Variants in CCDC40 observed in about 807,000 individuals in gnomAD.
CCDC40 encodes the protein coiled-coil domain-containing protein 40.
A neutral mutation model predicts 124.5 loss-of-function variants in CCDC40; 104 were observed. The ratio of observed to expected loss-of-function variants is 0.84; its 90% CI spans 0.71 to 0.98. The LOEUF (loss-of-function observed/expected upper bound fraction) is 0.98. Among genes scored for constraint, CCDC40 ranks in the 50% least tolerant of loss-of-function variants. The pLI is 0.00. For missense variants in CCDC40, 1,463 were observed against 1,503.9 expected (o/e 0.97, Z 0.45); for synonymous variants, 580 against 602.9 (o/e 0.96, Z 0.56).
chr17:80,055,018 T>TA lies in CCDC40; in HGVS notation c.1160-3466dup, dbSNP rs370796612. On this transcript the variant is annotated intron_variant, in intron 7 of 19. Coordinates refer to ENST00000397545, the MANE Select transcript of CCDC40 (RefSeq NM_017950.4). ...AATCAAATAAAACAAAATACAAGGA[T>TA]AAAAAAAAAAGGCTTCCTGGGTGGG... Among the ~76,000 whole-genome samples, 82 of 143,022 alleles carry TA rather than the reference T, an allele frequency of 5.7e-4. No individual in the cohort carries two copies. In the South Asian group the frequency reaches 9.8e-3, roughly 17 times the overall value. 93.8% of individuals were successfully genotyped at this position (143,022 alleles called of 152,430 possible). A position where few individuals can be genotyped will look rare whatever the true frequency, so the allele number is the denominator to read the frequency against.
intron 17 of CCDC40, chr17:80,090,244 CGAA>C: frequency 1.2e-6 from 1 of 865,100 alleles, no homozygotes; most frequent in Non-Finnish European, 1.7e-6. Context: ...GGCACGTGCA[CGAA>C]CAACACGGGA....
At chr17:80,054,446 C>G (rs898728603) in intron 7 of CCDC40, among the ~76,000 whole-genome samples, 1 of 152,066 alleles carries the variant, frequency 6.6e-6, no homozygotes, top group African/African-American at 2.4e-5. Flanking sequence ...ATCAAAGCTC[C>G]AGGGCATGGA....
chr17:80,097,161 T>C, intron 18 of CCDC40, 84 bp from the exon 19 acceptor site: 2 of 1,440,310 alleles, frequency 1.4e-6, no homozygotes, highest in South Asian at 1.1e-5. Flanking sequence ...GGAAGGTGCC[T>C]GGCAGGTCCT....
chr17:80,062,771 TG>T (rs1397230866), intron 9 of CCDC40, among the ~76,000 whole-genome samples: 1 of 152,116 alleles, frequency 6.6e-6, no homozygotes, highest in Non-Finnish European at 1.5e-5. Context: ...TTATTCTTTT[TG>T]TAGAGACGGT....
chr17:80,078,288 G>A (rs970948377), intron 10 of CCDC40, among the ~76,000 whole-genome samples: 6 of 143,538 alleles, frequency 4.2e-5, no homozygotes, highest in Admixed American at 1.5e-4. Context: ...CCAAGATCAC[G>A]CCACTGCACT....
At position 80,040,054 on chromosome 17, in the gene CCDC40, G is replaced by T; in HGVS notation, c.336G>T (p.Thr112=). Residue 112 remains threonine (T), a synonymous_variant, in exon 3 of 20, where the codon ACG becomes ACT. Transcript: ENST00000397545. ...AAGGGCAAATCAGTGCTGCAGATAC[G>T]ACTTACCCGTATTTCAGTCCTCCTC... ...SPEGQISAAD[T]TYPYFSPPQE... 6.2e-7 allele frequency: 1 copy of T among 1,614,104 alleles called. No homozygotes were observed. Among genetic ancestry groups the T allele is most frequent in the Non-Finnish European group, 8.5e-7 (1 of 1,179,962 alleles).
In CCDC40 at chr17:80,058,666, C is replaced by G; in HGVS notation, c.1317+15C>G. ...AGAAAAAGCAGGTATTCTGCAAACT[C>G]GACACATGTTTAATGATCACCAGAC... On this transcript the variant is annotated intron_variant, in intron 8 of 19. Coordinates refer to ENST00000397545, the MANE Select transcript of CCDC40 (RefSeq NM_017950.4). The surrounding 1 kb of genome is among the most constrained non-coding windows in gnomAD (Gnocchi z 4.2). The G allele has an allele frequency of 6.2e-7, 1 of 1,613,802 alleles. No individual in the cohort carries two copies. The highest frequency in any genetic ancestry group is 8.5e-7 in the Non-Finnish European group (1 of 1,179,748).
In CCDC40 at chr17:80,086,672, G is replaced by T. The variant is rs1042943065; in HGVS notation, c.2449+456G>T. The T allele has an allele frequency of 4.2e-6, 1 of 237,164 alleles. No homozygotes were observed. Among genetic ancestry groups the T allele is most frequent in the Non-Finnish European group, 8.4e-6 (1 of 118,640 alleles). 14.7% of individuals were successfully genotyped at this position (237,164 alleles called of 1,614,324 possible). On this transcript the variant is annotated intron_variant, in intron 14 of 19. Transcript: ENST00000397545. The surrounding 1 kb of genome is among the most constrained non-coding windows in gnomAD (Gnocchi z 5.5). ...CAAGGGGCTGCCAAAGCACCAGGGT[G>T]CCTGGAATGATGGAGGCGGGCATCC...
intron 12 of CCDC40, among the ~76,000 whole-genome samples, chr17:80,083,543 C>T (rs962361686): frequency 1.3e-5 from 2 of 152,214 alleles, no homozygotes; most frequent in Admixed American, 1.3e-4. Context: ...TCAGGGCAGA[C>T]ACAGGGCCCG....
At position 80,057,801 on chromosome 17, in the gene CCDC40, T is replaced by G. The variant is rs1019280940; in HGVS notation, c.1160-693T>G. Reference sequence around the variant, plus strand: ...TGAGGCAGGAGAATGGCGTGAACCCTGGGGGCGGAGCTTGCAGTGAGTCGA... The same window carrying G: ...TGAGGCAGGAGAATGGCGTGAACCCGGGGGGCGGAGCTTGCAGTGAGTCGA... On this transcript the variant is annotated intron_variant, in intron 7 of 19. Transcript: ENST00000397545. Among the ~76,000 whole-genome samples the G allele has an allele frequency of 1.4e-4, 21 of 150,186 alleles. No individual in the cohort carries two copies. In the East Asian group the frequency reaches 2.6e-3, roughly 18 times the overall value.
chr17:80,069,266 G>C (rs181886608), intron 10 of CCDC40, among the ~76,000 whole-genome samples: 1 of 152,112 alleles, frequency 6.6e-6, no homozygotes, highest in Non-Finnish European at 1.5e-5. Flanking sequence ...TGCGTGGGGG[G>C]GGCGGTAACC....
intron 10 of CCDC40, among the ~76,000 whole-genome samples, chr17:80,073,286 G>T (rs758061201): frequency 6.6e-6 from 1 of 152,022 alleles, no homozygotes; most frequent in Non-Finnish European, 1.5e-5. Flanking sequence ...TACAGGAATC[G>T]CATTTTTTAC....
intron 2 of CCDC40, 63 bp downstream of exon 2, chr17:80,038,249 G>T (rs2143570635): frequency 8.7e-7 from 1 of 1,150,484 alleles, no homozygotes. Flanking sequence ...GAGAATCAGA[G>T]TACGGGCACT....
In CCDC40 at chr17:80,082,077, G is replaced by A. The variant is rs768348648; in HGVS notation, c.1989+19G>A. Reference sequence around the variant, plus strand: ...CAACATGGTAGGCCCCTGCCCCAGGGAGGGGCTGTGCGAAGCCCCCTGCAG... The same window carrying A: ...CAACATGGTAGGCCCCTGCCCCAGGAAGGGGCTGTGCGAAGCCCCCTGCAG... On this transcript the variant is annotated intron_variant, in intron 12 of 19. Coordinates refer to ENST00000397545, the MANE Select transcript of CCDC40 (RefSeq NM_017950.4). 12 of 1,608,762 alleles carry A rather than the reference G, an allele frequency of 7.5e-6. No homozygotes were observed. In the Admixed American group the frequency reaches 2.0e-4, roughly 27 times the overall value.
intron 3 of CCDC40, among the ~76,000 whole-genome samples, chr17:80,044,688 C>T (rs886984399): frequency 4.3e-5 from 3 of 69,582 alleles, no homozygotes; most frequent in African/African-American, 3.6e-4. Context: ...ATCTCAAAAA[C>T]AAAACAAAAC....
At position 80,087,996 on chromosome 17, in the gene CCDC40, C is replaced by A. The variant is rs750431290; in HGVS notation, c.2620-15C>A. 4 of 1,587,720 alleles carry A rather than the reference C, an allele frequency of 2.5e-6. No individual in the cohort carries two copies. The Admixed American group carries it at 5.0e-5, about 20-fold the overall frequency. ...TGGCCCTCCCCACAGCTGTCCCGCC[C>A]CCTCCCCCATGCAGGCCTCTGAGAG... On this transcript the variant is annotated splice_polypyrimidine_tract_variant and intron_variant, in intron 15 of 19. Transcript: ENST00000397545. The surrounding 1 kb of genome is among the most constrained non-coding windows in gnomAD (Gnocchi z 4.5).
At chr17:80,057,871 G>A (rs1282823925) in intron 7 of CCDC40, among the ~76,000 whole-genome samples, 4 of 129,638 alleles carry the variant, frequency 3.1e-5, no homozygotes, top group Admixed American at 1.4e-4. Flanking sequence ...GCGAGATTTC[G>A]TCTCAAAAAA....
chr17:80,044,718 T>A (rs199943329), intron 3 of CCDC40, among the ~76,000 whole-genome samples: 1,946 of 32,064 alleles, frequency 0.061, 27 homozygotes, highest in Middle Eastern at 0.31. Context: ...AAAAAAAAAA[T>A]ATATATATAT....
intron 19 of CCDC40, 102 bp downstream of exon 19, chr17:80,097,505 CAGGT>C (rs1444665739): frequency 1.4e-5 from 17 of 1,243,476 alleles, no homozygotes; most frequent in East Asian, 9.9e-5. Context: ...CTCTCCTGAT[CAGGT>C]CACGGCCTCT....
Sources: allele counts gnomAD v4.1 joint callset (sites outside exome capture counted in the v4.1 genomes callset), GRCh38; gene constraint gnomAD v4.1.1; non-coding constraint Gnocchi (gnomAD v3.1); transcripts MANE v1.5; gene names NCBI Gene and HGNC (gene_info 2026-07-23, HGNC 2026-07-21).